The following METTL15 variants were observed in gnomAD, a reference collection of about 807,000 sequenced individuals.
METTL15 encodes 12S rRNA N(4)-cytidine methyltransferase METTL15.
Under a neutral mutation model 38.3 loss-of-function variants are expected in METTL15, and 34 were observed. The observed-to-expected ratio is 0.89, with a 90% CI of 0.68 to 1.18. The LOEUF is 1.18. METTL15 is among the 50% of genes most tolerant of loss of function. METTL15 has a pLI of 0.00. For synonymous variants in METTL15, 162 were observed against 170.9 expected (o/e 0.95, Z 0.41); for missense variants, 438 against 498.4 (o/e 0.88, Z 1.15).
intron 3 of METTL15, among the ~76,000 whole-genome samples, chr11:28,176,701 T>A (rs1851088860): frequency 6.6e-6 from 1 of 152,118 alleles, no homozygotes; most frequent in Non-Finnish European, 1.5e-5. Flanking sequence ...CCAAGTGGAC[T>A]TGGCTAACCT....
At chr11:28,300,629 C>G (rs181592399) in intron 6 of METTL15, among the ~76,000 whole-genome samples, 40 of 152,228 alleles carry the variant, frequency 2.6e-4, no homozygotes, top group Non-Finnish European at 2.6e-4. Context: ...AAGCAACTTA[C>G]AAGAGAATTC....
rs568544180 is a variant in METTL15 at position 28,168,591 on chromosome 11, A to G, written c.271-42471A>G. Among the ~76,000 whole-genome samples, 4 of 149,558 alleles carry G rather than the reference A, an allele frequency of 2.7e-5. No individual in the cohort carries two copies. In the South Asian group the frequency reaches 8.5e-4, roughly 32 times the overall value. On this transcript the variant is annotated intron_variant, in intron 3 of 6. Transcript: ENST00000407364. ...ATTAACTCATCATTTAACATTAGAT[A>G]TATCTCCTAATGCTATCCCTCCCCC...
intron 5 of METTL15, among the ~76,000 whole-genome samples, chr11:28,369,658 C>T (rs1316750780): frequency 6.6e-6 from 1 of 152,042 alleles, no homozygotes; most frequent in Non-Finnish European, 1.5e-5. Flanking sequence ...AGAAAACAAC[C>T]TGCCACACAA....
intron 6 of METTL15, among the ~76,000 whole-genome samples, chr11:28,470,741 A>G (rs1033104125): frequency 4.6e-5 from 7 of 152,132 alleles, no homozygotes; most frequent in Non-Finnish European, 8.8e-5. Flanking sequence ...CTCCAGCACA[A>G]TTAACATGTT....
chr11:28,170,630 C>A (rs1004898983), intron 3 of METTL15, among the ~76,000 whole-genome samples: 6 of 152,072 alleles, frequency 3.9e-5, no homozygotes, highest in Non-Finnish European at 8.8e-5. Flanking sequence ...GCTGAGGGTT[C>A]ATCTCCTTTT....
intron 6 of METTL15, among the ~76,000 whole-genome samples, chr11:28,508,762 G>A (rs576381090): frequency 1.3e-3 from 198 of 152,224 alleles, no homozygotes; most frequent in Non-Finnish European, 2.5e-3. Context: ...TTAAGAATGG[G>A]CTACCAATAC....
intron 5 of METTL15, among the ~76,000 whole-genome samples, chr11:28,408,862 TA>T (rs1376410512): frequency 3.3e-5 from 5 of 152,210 alleles, no homozygotes; most frequent in Non-Finnish European, 7.3e-5. Flanking sequence ...TTTTCCTTTA[TA>T]TTTTTAAGTA....
chr11:28,455,953 G>A (rs1169692600), intron 6 of METTL15, among the ~76,000 whole-genome samples: 2 of 152,144 alleles, frequency 1.3e-5, no homozygotes, highest in Admixed American at 6.5e-5. Context: ...TGATCTGCCC[G>A]CTTTGGCCTC....
intron 4 of METTL15, among the ~76,000 whole-genome samples, chr11:28,217,700 T>G (rs1247256139): frequency 6.6e-6 from 1 of 152,220 alleles, no homozygotes; most frequent in Non-Finnish European, 1.5e-5. Context: ...AGGTCTACCA[T>G]TTAAGTCTTT....
chr11:28,143,052 T>A (rs1257024745), intron 3 of METTL15, among the ~76,000 whole-genome samples: 2 of 152,036 alleles, frequency 1.3e-5, no homozygotes, highest in African/African-American at 2.4e-5. Flanking sequence ...GAGAGGGAAC[T>A]GTAAAGGTAG....
intron 3 of METTL15, among the ~76,000 whole-genome samples, chr11:28,200,924 A>G (rs77415730): frequency 9.9e-5 from 15 of 152,260 alleles, no homozygotes; most frequent in Middle Eastern, 3.4e-3. Context: ...ATTGCCCTGC[A>G]GAACTTCCAA....
intron 5 of METTL15, among the ~76,000 whole-genome samples, chr11:28,379,816 G>A (rs185689114): frequency 2.6e-5 from 4 of 152,152 alleles, no homozygotes; most frequent in South Asian, 2.1e-4. Flanking sequence ...ATTGTTGAAC[G>A]TTCTGCTATT....
chr11:28,360,824 A>C (rs1850131345), intron 4 of METTL15, among the ~76,000 whole-genome samples: 6 of 91,854 alleles, frequency 6.5e-5, no homozygotes, highest in South Asian at 4.9e-4. Context: ...CCACCCCACA[A>C]CAGTCCCCAG....
intron 3 of METTL15, among the ~76,000 whole-genome samples, chr11:28,116,773 A>T (rs1051111407): frequency 1.3e-5 from 2 of 152,256 alleles, no homozygotes; most frequent in Admixed American, 6.5e-5. Flanking sequence ...ATTTTTTTTT[A>T]AATTTTAATT....
chr11:28,323,310 G>A (rs1849532156), intron 6 of METTL15, among the ~76,000 whole-genome samples: 1 of 151,912 alleles, frequency 6.6e-6, no homozygotes, highest in Non-Finnish European at 1.5e-5. Flanking sequence ...AGTGAATACA[G>A]TCTCTATTTT....
chr11:28,246,798 G>C (rs1854532517), intron 4 of METTL15, among the ~76,000 whole-genome samples: 1 of 152,102 alleles, frequency 6.6e-6, no homozygotes, highest in Admixed American at 6.6e-5. Context: ...CCATATTTGA[G>C]AACTGCACTG....
intron 4 of METTL15, among the ~76,000 whole-genome samples, chr11:28,262,144 T>TA (rs1372317048): frequency 1.3e-5 from 2 of 152,110 alleles, no homozygotes; most frequent in African/African-American, 4.8e-5. Context: ...TTAATTTTTG[T>TA]AAAAAATAAG....
intron 6 of METTL15, among the ~76,000 whole-genome samples, chr11:28,454,768 A>G (rs889911738): frequency 9.2e-5 from 14 of 152,334 alleles, no homozygotes; most frequent in East Asian, 1.9e-4. Flanking sequence ...ATTTTCACCA[A>G]CATAAATTAG....
At chr11:28,419,254 A>C (rs1273614887) in intron 5 of METTL15, among the ~76,000 whole-genome samples, 1 of 152,156 alleles carries the variant, frequency 6.6e-6, no homozygotes, top group Non-Finnish European at 1.5e-5. Context: ...AGGAGTGGTC[A>C]CCTGTGTGAC....
Sources: allele counts gnomAD v4.1 joint callset (sites outside exome capture counted in the v4.1 genomes callset), GRCh38; gene constraint gnomAD v4.1.1; transcripts MANE v1.5; gene names NCBI Gene and HGNC (gene_info 2026-07-23, HGNC 2026-07-21).